The following HHIP variants were observed in gnomAD, a reference collection of about 807,000 sequenced individuals.
HHIP encodes hedgehog interacting protein, also known as hedgehog-interacting protein.
Under a neutral mutation model 74.0 loss-of-function variants are expected in HHIP, and 12 were observed. That is an observed-to-expected ratio of 0.16 (90% CI 0.10 to 0.26). HHIP has a LOEUF of 0.26. Ranked by LOEUF, HHIP falls within the 10% of genes least tolerant of loss-of-function variation. The probability of loss-of-function intolerance (pLI) is 1.00; values close to 1 mark genes in which losing one functional copy is unlikely to be tolerated. For missense variants in HHIP, 788 were observed against 845.0 expected (o/e 0.93, Z 0.84); for synonymous variants, 309 against 311.6 (o/e 0.99, Z 0.09).
Position 144,648,573 on chromosome 4 carries a change from C to T in HHIP, c.279+1619C>T, listed in dbSNP as rs186479924. 17 of 152,250 alleles carry T rather than the reference C, an allele frequency of 1.1e-4. 1 individual carries two copies. The highest frequency in any genetic ancestry group is 2.6e-4 in the Admixed American group (4 of 15,298). 9.4% of individuals were successfully genotyped at this position (152,250 alleles called of 1,614,324 possible). A position where few individuals can be genotyped will look rare whatever the true frequency, so the allele number is the denominator to read the frequency against. ...AGTTTCAAAATAGCTATATTCAGGT[C>T]ACCTTAAAGGTTTTATCAGGAGCCC... On this transcript the variant is annotated intron_variant, in intron 1 of 12. Coordinates refer to ENST00000296575, the MANE Select transcript of HHIP (RefSeq NM_022475.3).
chr4:144,670,648 G>T (rs1216389397), intron 4 of HHIP, among the ~76,000 whole-genome samples: 2 of 144,804 alleles, frequency 1.4e-5, no homozygotes, highest in Admixed American at 1.4e-4. Context: ...AGGGAAACAT[G>T]TCTGTTTCAT....
chr4:144,732,845 A>C (rs1731000643), intron 11 of HHIP, among the ~76,000 whole-genome samples: 1 of 152,172 alleles, frequency 6.6e-6, no homozygotes, highest in South Asian at 2.1e-4. Context: ...AATGAGTCAG[A>C]AAGTGGGTGA....
intron 2 of HHIP, among the ~76,000 whole-genome samples, chr4:144,655,412 C>T (rs1235770675): frequency 2.6e-5 from 4 of 152,120 alleles, no homozygotes; most frequent in South Asian, 2.1e-4. Flanking sequence ...TATCGATGGA[C>T]GTCTATTGGC....
At chr4:144,721,949 G>A (rs560410051) in intron 11 of HHIP, among the ~76,000 whole-genome samples, 1 of 150,478 alleles carries the variant, frequency 6.6e-6, no homozygotes, top group South Asian at 2.1e-4. Context: ...AAGGAATTAA[G>A]TTTGCCTCCA....
chr4:144,716,867 A>AAAAAAAAAAAAAAAAAAAAAAAAAAAAAC, intron 10 of HHIP, among the ~76,000 whole-genome samples: 1 of 135,504 alleles, frequency 7.4e-6, no homozygotes, highest in East Asian at 2.3e-4. Context: ...AAAAAAAAAA[A>AAAAAAAAAAAAAAAAAAAAAAAAAAAAAC]AAAAAAAAAA....
chr4:144,648,648 T>C (rs1034338369), intron 1 of HHIP: 1 of 152,114 alleles, frequency 6.6e-6, no homozygotes, highest in Admixed American at 6.5e-5. Flanking sequence ...TGCCATTAAG[T>C]CTCCCTTGGT....
chr4:144,725,175 C>T (rs1435998103), intron 11 of HHIP, among the ~76,000 whole-genome samples: 1 of 152,076 alleles, frequency 6.6e-6, no homozygotes, highest in African/African-American at 2.4e-5. Flanking sequence ...TTAGATATGT[C>T]TGAAACAGTC....
intron 12 of HHIP, among the ~76,000 whole-genome samples, chr4:144,735,132 C>A (rs1731075989): frequency 6.6e-6 from 1 of 152,072 alleles, no homozygotes; most frequent in African/African-American, 2.4e-5. Context: ...ATGACTGAGT[C>A]CTTTCAAAAA....
At chr4:144,696,886 A>T (rs1473617887) in intron 4 of HHIP, among the ~76,000 whole-genome samples, 1 of 151,988 alleles carries the variant, frequency 6.6e-6, no homozygotes, top group East Asian at 1.9e-4. Context: ...TCAATGAGGT[A>T]CTATGTAAGA....
At chr4:144,720,842 T>C (rs938339839) in intron 11 of HHIP, among the ~76,000 whole-genome samples, 1 of 152,160 alleles carries the variant, frequency 6.6e-6, no homozygotes, top group Non-Finnish European at 1.5e-5. Context: ...CTGTTTTGAT[T>C]TGGCCATCAA....
chr4:144,726,272 T>C (rs1174174476), intron 11 of HHIP, among the ~76,000 whole-genome samples: 1 of 152,154 alleles, frequency 6.6e-6, no homozygotes, highest in African/African-American at 2.4e-5. Context: ...TAAGTACAGA[T>C]ATAATCCAAG....
intron 2 of HHIP, among the ~76,000 whole-genome samples, chr4:144,656,519 A>ATGG (rs1728561660): frequency 6.6e-6 from 1 of 152,166 alleles, no homozygotes; most frequent in African/African-American, 2.4e-5. Context: ...TCACCTTAAG[A>ATGG]TGGTATTGGT....
At chr4:144,694,319 G>C (rs144717554) in intron 4 of HHIP, among the ~76,000 whole-genome samples, 1 of 150,694 alleles carries the variant, frequency 6.6e-6, no homozygotes, top group East Asian at 2.0e-4. Flanking sequence ...TTCCTTGGTG[G>C]TCTAAACTAT....
intron 6 of HHIP, 50 bp downstream of exon 6, chr4:144,707,310 G>A: frequency 6.8e-7 from 1 of 1,460,150 alleles, no homozygotes; most frequent in South Asian, 1.4e-5. Context: ...AATAGTTTAA[G>A]TGCCAGAAGA....
chr4:144,739,527 G>A lies in HHIP; in HGVS notation c.*1570G>A, dbSNP rs976865873. The A allele has an allele frequency of 3.3e-5, 5 of 152,172 alleles. No individual in the cohort carries two copies. The highest frequency in any genetic ancestry group is 1.2e-4 in the African/African-American group (5 of 41,442). The allele number at this position is 152,172 out of a possible 1,614,324, so 9.4% of individuals were successfully genotyped here. A position where few individuals can be genotyped will look rare whatever the true frequency, so the allele number is the denominator to read the frequency against. ...GCTAGTATTTCTCTATTGTTTTAAG[G>A]TGAGAGATTTGCAATTAAAGCCCAG... On this transcript the variant is annotated 3_prime_UTR_variant, in exon 13 of 13. Coordinates refer to ENST00000296575, the MANE Select transcript of HHIP (RefSeq NM_022475.3).
intron 4 of HHIP, among the ~76,000 whole-genome samples, chr4:144,696,894 A>C (rs1047897335): frequency 1.3e-5 from 2 of 152,112 alleles, no homozygotes; most frequent in African/African-American, 4.8e-5. Context: ...GTACTATGTA[A>C]GACATCAGAA....
chr4:144,670,764 G>GAAAAAAAAA (rs1167213848), intron 4 of HHIP, among the ~76,000 whole-genome samples: 104 of 54,808 alleles, frequency 1.9e-3, no homozygotes, highest in Non-Finnish European at 2.3e-3. Context: ...CTTAAGATTT[G>GAAAAAAAAA]AAAAAAAAAA....
At chr4:144,684,526 G>T (rs1333946702) in intron 4 of HHIP, among the ~76,000 whole-genome samples, 3 of 151,410 alleles carry the variant, frequency 2.0e-5, no homozygotes, top group South Asian at 2.1e-4. Context: ...TGATCCGCCC[G>T]CCTCGGCCTC....
At chr4:144,717,821 C>T (rs1730500838) in intron 10 of HHIP, among the ~76,000 whole-genome samples, 1 of 151,986 alleles carries the variant, frequency 6.6e-6, no homozygotes, top group African/African-American at 2.4e-5. Context: ...TTTTGATGTA[C>T]TTTCATGTCT....
Sources: allele counts gnomAD v4.1 joint callset (sites outside exome capture counted in the v4.1 genomes callset), GRCh38; gene constraint gnomAD v4.1.1; transcripts MANE v1.5; gene names NCBI Gene and HGNC (gene_info 2026-07-23, HGNC 2026-07-21).